Variants in XKR9 observed in about 807,000 individuals in gnomAD.
XKR9 encodes the protein XK-related protein 9.
In XKR9, 32 loss-of-function variants were observed where a neutral mutation model predicts 32.0. That is an observed-to-expected ratio of 1.00 (90% CI 0.76 to 1.34). The LOEUF is 1.34. Ranked by LOEUF, XKR9 falls within the 40% of genes most tolerant of loss-of-function variation. XKR9 has a pLI of 0.00. For synonymous variants in XKR9, 168 were observed against 143.4 expected (o/e 1.17, Z -1.22); for missense variants, 546 against 429.7 (o/e 1.27, Z -2.39).
At chr8:70,871,298 A>T in the XKR9 span, among the ~76,000 whole-genome samples, 1 of 152,154 alleles carries the variant, frequency 6.6e-6, no homozygotes, top group Non-Finnish European at 1.5e-5. Context: ...TTTCTTATTA[A>T]TTCAGGAACA....
chr8:70,746,456 A>G (rs1807060689), intron 2 of XKR9, among the ~76,000 whole-genome samples: 1 of 147,210 alleles, frequency 6.8e-6, no homozygotes. Flanking sequence ...TGTATAAAAC[A>G]TATAAAATAT....
chr8:70,788,303 A>G (rs1369315933), intron 2 of XKR9, among the ~76,000 whole-genome samples: 1 of 152,128 alleles, frequency 6.6e-6, no homozygotes, highest in Non-Finnish European at 1.5e-5. Context: ...GTTGTAACAG[A>G]CACAGAAATA....
the XKR9 span, among the ~76,000 whole-genome samples, chr8:70,937,398 T>C: frequency 3.3e-5 from 5 of 152,024 alleles, no homozygotes; most frequent in Non-Finnish European, 7.4e-5. Flanking sequence ...ACCAACTAAA[T>C]CAGAATCTCC....
Position 70,707,001 on chromosome 8 carries a change from T to C in XKR9, c.341T>C (p.Val114Ala), listed in dbSNP as rs776374266. The C allele has an allele frequency of 2.0e-5, 32 of 1,613,290 alleles. No homozygotes were observed. Among genetic ancestry groups the C allele is most frequent in the Non-Finnish European group, 2.7e-5 (32 of 1,179,478 alleles). ...FKYDSNTSNF[V>A]EEQIDLHKEV... The stretch of plus-strand genomic sequence containing the variant: ...TATGACAGCAATACTAGTAACTTCG[T>C]GGAAGAACAAATTGATCTACATAAA... The change falls in exon 4 of 5, where the codon GTG becomes GCG. Residue 114 changes from valine to alanine, a missense_variant. Coordinates refer to ENST00000408926, the MANE Select transcript of XKR9 (RefSeq NM_001011720.2).
At chr8:70,974,496 G>A in the XKR9 span, among the ~76,000 whole-genome samples, 1 of 152,122 alleles carries the variant, frequency 6.6e-6, no homozygotes, top group Non-Finnish European at 1.5e-5. Flanking sequence ...TGCAGTGTTT[G>A]GTTTTCTGGC....
chr8:71,021,498 CTTTTTTT>C, the XKR9 span, among the ~76,000 whole-genome samples: 54 of 101,408 alleles, frequency 5.3e-4, no homozygotes, highest in African/African-American at 1.6e-3. Context: ...TTGATGGTTT[CTTTTTTT>C]TTTTTTTTTT....
the XKR9 span, among the ~76,000 whole-genome samples, chr8:71,056,958 A>T: frequency 6.6e-6 from 1 of 152,298 alleles, no homozygotes; most frequent in East Asian, 1.9e-4. Flanking sequence ...ATATGTTGGC[A>T]AATGGTTTCA....
the XKR9 span, among the ~76,000 whole-genome samples, chr8:70,805,957 C>T: frequency 0.014 from 2,180 of 152,280 alleles, 51 homozygotes; most frequent in African/African-American, 0.049. Flanking sequence ...CTGAGTGAGA[C>T]CTTCCAACAG....
At chr8:71,031,466 C>T in the XKR9 span, among the ~76,000 whole-genome samples, 6 of 152,040 alleles carry the variant, frequency 3.9e-5, no homozygotes, top group Middle Eastern at 3.2e-3. Context: ...GAACTTTAGG[C>T]AAATAACTGT....
chr8:70,683,494 T>C (rs748434330), intron 3 of XKR9: 10 of 226,716 alleles, frequency 4.4e-5, no homozygotes, highest in South Asian at 4.3e-4. Flanking sequence ...ATTACTTTTC[T>C]TTTTTTTTTT....
downstream of XKR9, among the ~76,000 whole-genome samples, chr8:70,736,234 A>G (rs1282552619): frequency 6.6e-6 from 1 of 151,950 alleles, no homozygotes; most frequent in African/African-American, 2.4e-5. Context: ...GCATTTTTTC[A>G]TGTGTTTTTT....
chr8:70,695,378 C>A (rs1805230918), intron 3 of XKR9, among the ~76,000 whole-genome samples: 1 of 127,390 alleles, frequency 7.8e-6, no homozygotes, highest in Non-Finnish European at 1.6e-5. Flanking sequence ...CTTCCTGTGT[C>A]CATGTGTTCT....
the XKR9 span, among the ~76,000 whole-genome samples, chr8:70,837,856 T>C: frequency 6.6e-6 from 1 of 152,098 alleles, no homozygotes; most frequent in Non-Finnish European, 1.5e-5. Context: ...GCAGAGAACA[T>C]AAAGATGGTG....
the XKR9 span, among the ~76,000 whole-genome samples, chr8:70,950,553 T>C: frequency 6.6e-6 from 1 of 152,132 alleles, no homozygotes; most frequent in East Asian, 1.9e-4. Context: ...CAGGACCAGA[T>C]CACACAGGGC....
chr8:70,980,035 G>A, the XKR9 span, among the ~76,000 whole-genome samples: 1 of 152,240 alleles, frequency 6.6e-6, no homozygotes. Flanking sequence ...CTAGCAGTGA[G>A]CAAGGCTCCA....
At chr8:70,905,532 C>A in the XKR9 span, among the ~76,000 whole-genome samples, 5 of 152,070 alleles carry the variant, frequency 3.3e-5, no homozygotes, top group African/African-American at 4.8e-5. Context: ...AATCTTTTTT[C>A]AAGGTTTTTA....
the XKR9 span, among the ~76,000 whole-genome samples, chr8:71,011,224 C>T: frequency 6.6e-6 from 1 of 152,128 alleles, no homozygotes; most frequent in Non-Finnish European, 1.5e-5. Flanking sequence ...ATGTGATTTT[C>T]ATTCTCCAAG....
chr8:70,868,267 T>C, the XKR9 span, among the ~76,000 whole-genome samples: 1 of 152,140 alleles, frequency 6.6e-6, no homozygotes, highest in South Asian at 2.1e-4. Flanking sequence ...GTTGGGACTC[T>C]GTGTGGGGGC....
the XKR9 span, among the ~76,000 whole-genome samples, chr8:70,844,270 G>T: frequency 5.3e-5 from 8 of 152,192 alleles, no homozygotes; most frequent in Non-Finnish European, 1.2e-4. Context: ...TGGCCCTCTA[G>T]CATCAGGGTT....
Sources: gnomAD v4.1 joint callset for allele counts (sites outside exome capture counted in the v4.1 genomes callset) on GRCh38, gnomAD v4.1.1 for gene constraint, MANE v1.5 for transcripts, NCBI Gene and HGNC (gene_info 2026-07-23, HGNC 2026-07-21) for gene names.